The following GPATCH8 variants were observed in gnomAD, a reference collection of about 807,000 sequenced individuals.
GPATCH8 encodes the protein G patch domain-containing protein 8.
Under a neutral mutation model 118.3 loss-of-function variants are expected in GPATCH8, and 18 were observed. The ratio of observed to expected loss-of-function variants is 0.15; its 90% CI spans 0.11 to 0.23. The LOEUF is 0.23. Among genes scored for constraint, GPATCH8 ranks in the 10% least tolerant of loss-of-function variants. GPATCH8 has a pLI of 1.00. For missense variants in GPATCH8, 1,631 were observed against 1,873.8 expected (o/e 0.87, Z 2.39); for synonymous variants, 659 against 684.7 (o/e 0.96, Z 0.59).
At chr17:44,459,198 GCA>G (rs1223516627) in intron 3 of GPATCH8, among the ~76,000 whole-genome samples, 1 of 152,108 alleles carries the variant, frequency 6.6e-6, no homozygotes, top group Non-Finnish European at 1.5e-5. Context: ...AACATCAAAA[GCA>G]CAGATCCTGA....
chr17:44,472,387 A>G (rs1967354932), intron 2 of GPATCH8, among the ~76,000 whole-genome samples: 1 of 152,222 alleles, frequency 6.6e-6, no homozygotes, highest in Non-Finnish European at 1.5e-5. Flanking sequence ...TATGAGAGGT[A>G]AAATAGCATT....
At chr17:44,433,116 G>A (rs975601213) in intron 5 of GPATCH8, among the ~76,000 whole-genome samples, 2 of 151,936 alleles carry the variant, frequency 1.3e-5, no homozygotes, top group East Asian at 1.9e-4. Context: ...GTGATCCACC[G>A]CACCCAGCCG....
rs2049153311 is a variant in GPATCH8 at position 44,404,689 on chromosome 17, C to T, written c.623+1232G>A. ...TAAGAAAAATATGGCCTCAAAAATA[C>T]ACAAACTTAATCAGTATATTATACT... On this transcript the variant is annotated intron_variant, in intron 7 of 7. Coordinates refer to ENST00000591680, the MANE Select transcript of GPATCH8 (RefSeq NM_001002909.4). 2.0e-5 allele frequency among the ~76,000 whole-genome samples: 3 copies of T among 151,952 alleles called. No homozygotes were observed. In the South Asian group the frequency reaches 6.2e-4, roughly 31 times the overall value.
At chr17:44,415,946 AG>A (rs1415257316) in intron 6 of GPATCH8, among the ~76,000 whole-genome samples, 1 of 152,236 alleles carries the variant, frequency 6.6e-6, no homozygotes, top group Non-Finnish European at 1.5e-5. Flanking sequence ...GTCTGTTTTG[AG>A]GGTTACCCCT....
chr17:44,414,295 A>G (rs1334183288), intron 6 of GPATCH8, among the ~76,000 whole-genome samples: 1 of 151,490 alleles, frequency 6.6e-6, no homozygotes, highest in African/African-American at 2.4e-5. Flanking sequence ...GACTTCATAT[A>G]CCCTAAAATT....
At chr17:44,438,259 C>T (rs1002243645) in intron 3 of GPATCH8, among the ~76,000 whole-genome samples, 3 of 152,168 alleles carry the variant, frequency 2.0e-5, no homozygotes, top group South Asian at 2.1e-4. Context: ...TGTCAGAATT[C>T]GTTTTGCAAG....
chr17:44,475,105 G>A (rs1006248816), intron 1 of GPATCH8, among the ~76,000 whole-genome samples: 5 of 151,986 alleles, frequency 3.3e-5, no homozygotes, highest in Admixed American at 6.6e-5. Flanking sequence ...TGGGTCAGGC[G>A]TGGTGGCTCA....
chr17:44,500,977 C>A (rs565879482), intron 1 of GPATCH8, among the ~76,000 whole-genome samples: 1 of 152,100 alleles, frequency 6.6e-6, no homozygotes, highest in Non-Finnish European at 1.5e-5. Flanking sequence ...ATTAAAACAT[C>A]TAGAAAAATA....
chr17:44,501,794 T>C (rs180959096), intron 1 of GPATCH8, among the ~76,000 whole-genome samples: 2 of 152,318 alleles, frequency 1.3e-5, no homozygotes, highest in Non-Finnish European at 2.9e-5. Context: ...TTAGGTCACC[T>C]TGAGATTATT....
intron 1 of GPATCH8, among the ~76,000 whole-genome samples, chr17:44,490,275 T>C (rs1969141057): frequency 6.6e-6 from 1 of 152,008 alleles, no homozygotes; most frequent in Non-Finnish European, 1.5e-5. Context: ...GTCACTTCAG[T>C]CCAGCCTGGG....
At chr17:44,491,381 T>C (rs1356250616) in intron 1 of GPATCH8, among the ~76,000 whole-genome samples, 1 of 148,356 alleles carries the variant, frequency 6.7e-6, no homozygotes, top group Non-Finnish European at 1.5e-5. Flanking sequence ...CCCAGCTGCT[T>C]GGGAGGCTGA....
At chr17:44,486,223 CT>C (rs1295089764) in intron 1 of GPATCH8, 7 of 152,314 alleles carry the variant, frequency 4.6e-5, no homozygotes, top group Admixed American at 4.6e-4. Context: ...CATTCTTGCT[CT>C]TGCCCATTCC....
intron 3 of GPATCH8, among the ~76,000 whole-genome samples, chr17:44,449,217 C>T (rs541647561): frequency 6.6e-6 from 1 of 152,246 alleles, no homozygotes; most frequent in Non-Finnish European, 1.5e-5. Flanking sequence ...GCAGAGGTTG[C>T]AGTGAGCCGA....
chr17:44,478,054 G>A (rs1311519697), intron 1 of GPATCH8, among the ~76,000 whole-genome samples: 2 of 151,874 alleles, frequency 1.3e-5, no homozygotes, highest in Non-Finnish European at 2.9e-5. Context: ...TTGAACTCCT[G>A]ACCTCAAGTG....
intron 2 of GPATCH8, among the ~76,000 whole-genome samples, chr17:44,470,211 C>T (rs1598582044): frequency 6.6e-6 from 1 of 152,224 alleles, no homozygotes; most frequent in Non-Finnish European, 1.5e-5. Flanking sequence ...CCATCTGATC[C>T]CTCATCTTTT....
rs144043809 is a variant in GPATCH8, at chr17:44,453,822, C to T, written c.193+10650G>A. ...GTTGGGGATTACAGGCATGAGCCAT[C>T]GTGCCCAGCCTAGTTACAGTTTTTA... On this transcript the variant is annotated intron_variant, in intron 3 of 7. Coordinates refer to ENST00000591680, the MANE Select transcript of GPATCH8 (RefSeq NM_001002909.4). Among the ~76,000 whole-genome samples the T allele has an allele frequency of 6.6e-5, 10 of 152,048 alleles. No homozygotes were observed. In the East Asian group the frequency reaches 1.8e-3, roughly 27 times the overall value.
At chr17:44,424,270 TG>T (rs1471054505) in intron 6 of GPATCH8, 78 bp downstream of exon 6, 6 of 963,096 alleles carry the variant, frequency 6.2e-6, no homozygotes, top group African/African-American at 4.8e-5. Flanking sequence ...CACCAAGTTT[TG>T]GGGGGTATAC....
chr17:44,443,950 A>G (rs2050785965), intron 3 of GPATCH8, among the ~76,000 whole-genome samples: 1 of 152,226 alleles, frequency 6.6e-6, no homozygotes, highest in South Asian at 2.1e-4. Flanking sequence ...CTGGGATTAC[A>G]GACATGAGCC....
intron 1 of GPATCH8, among the ~76,000 whole-genome samples, chr17:44,501,901 T>C (rs1446516821): frequency 2.0e-5 from 3 of 152,164 alleles, no homozygotes; most frequent in Admixed American, 6.5e-5. Context: ...AGCCAACTCA[T>C]ATTTTATAGT....
Sources: gnomAD v4.1 joint callset for allele counts (sites outside exome capture counted in the v4.1 genomes callset) on GRCh38, gnomAD v4.1.1 for gene constraint, MANE v1.5 for transcripts, NCBI Gene and HGNC (gene_info 2026-07-23, HGNC 2026-07-21) for gene names.